Variants in PCDHGB3 observed in about 807,000 individuals in gnomAD.
PCDHGB3 encodes the protein protocadherin gamma-B3.
A neutral mutation model predicts 59.2 loss-of-function variants in PCDHGB3; 40 were observed. That is an observed-to-expected ratio of 0.68 (90% CI 0.52 to 0.88). The LOEUF is 0.88. Among genes scored for constraint, PCDHGB3 ranks in the 40% least tolerant of loss-of-function variants. PCDHGB3 has a pLI of 0.00. For synonymous variants in PCDHGB3, 581 were observed against 503.6 expected (o/e 1.15, Z -2.06); for missense variants, 1,309 against 1,187.9 (o/e 1.10, Z -1.50).
intron 1 of PCDHGB3, chr5:141,418,485 A>G (rs1216502936): frequency 6.2e-7 from 1 of 1,614,028 alleles, no homozygotes; most frequent in South Asian, 1.1e-5. Context: ...AGCGCTCACC[A>G]CTTGGTACTG....
chr5:141,395,515 C>A, intron 1 of PCDHGB3: 1 of 407,332 alleles, frequency 2.5e-6, no homozygotes, highest in Non-Finnish European at 4.4e-6. Flanking sequence ...AGTAGCTACC[C>A]GTCCATACTG....
chr5:141,487,530 T>C lies in PCDHGB3; in HGVS notation c.2416-7277T>C. The stretch of plus-strand genomic sequence containing the variant: ...GCACCCACTCGGAGTGATAGCTTCA[T>C]GATGGTGAAGTCACCCAGTGCACCT... On this transcript the variant is annotated intron_variant, in intron 1 of 3. Coordinates refer to ENST00000576222, the MANE Select transcript of PCDHGB3 (RefSeq NM_018924.5). This position sits in a 1 kb window ranked among gnomAD's most constrained non-coding sequence, Gnocchi z 5.0. The C allele has an allele frequency of 6.2e-7, 1 of 1,614,218 alleles. No individual in the cohort carries two copies. The highest frequency in any genetic ancestry group is 8.5e-7 in the Non-Finnish European group (1 of 1,180,040).
chr5:141,416,224 T>G (rs2096006627), intron 1 of PCDHGB3: 1 of 152,382 alleles, frequency 6.6e-6, no homozygotes, highest in Admixed American at 6.5e-5. Context: ...TATGCTTAGA[T>G]TTTTCCAGCC....
chr5:141,450,251 C>T (rs2154563018), intron 1 of PCDHGB3, among the ~76,000 whole-genome samples: 1 of 152,200 alleles, frequency 6.6e-6, no homozygotes. Context: ...CTCCTGACCT[C>T]AAGTGATCTG....
Position 141,421,488 on chromosome 5 carries a change from G to A in PCDHGB3, c.2415+48679G>A. On this transcript the variant is annotated intron_variant, in intron 1 of 3. Transcript: ENST00000576222. ...ATCCGCGAAGCGGCAGCTTGATCAC[G>A]GCAGGCAGGATAGACCGGGAGGAGC... The A allele has an allele frequency of 1.9e-6, 3 of 1,614,100 alleles. No homozygotes were observed. In the South Asian group the frequency reaches 3.3e-5, roughly 18 times the overall value.
intron 1 of PCDHGB3, among the ~76,000 whole-genome samples, chr5:141,445,945 C>G (rs1433543714): frequency 1.3e-5 from 2 of 152,254 alleles, no homozygotes; most frequent in Non-Finnish European, 2.9e-5. Flanking sequence ...TAAGCTTACT[C>G]TGGCTGCTAT....
At chr5:141,501,330 CACA>C (rs1301023208) in intron 2 of PCDHGB3, among the ~76,000 whole-genome samples, 82 of 151,502 alleles carry the variant, frequency 5.4e-4, no homozygotes, top group Admixed American at 2.2e-3. Flanking sequence ...CACACACACA[CACA>C]CCCCAAACTC....
At chr5:141,385,413 G>T in intron 1 of PCDHGB3, 1 of 1,472,024 alleles carries the variant, frequency 6.8e-7, no homozygotes, top group South Asian at 1.5e-5. Context: ...TGAAAATAGG[G>T]ATTTAAAAAA....
At chr5:141,399,402 G>T (rs2093800599) in intron 1 of PCDHGB3, 2 of 1,613,898 alleles carry the variant, frequency 1.2e-6, no homozygotes, top group Non-Finnish European at 1.7e-6. Context: ...ACAGGGGCAA[G>T]CCGCCCCTCT....
intron 2 of PCDHGB3, among the ~76,000 whole-genome samples, chr5:141,498,848 G>T (rs930895553): frequency 6.6e-6 from 1 of 151,908 alleles, no homozygotes; most frequent in African/African-American, 2.4e-5. Context: ...CAGGGGAATC[G>T]CTTGAACCCA....
At chr5:141,435,665 A>C (rs1029846055) in intron 1 of PCDHGB3, among the ~76,000 whole-genome samples, 2 of 152,206 alleles carry the variant, frequency 1.3e-5, no homozygotes, top group African/African-American at 4.8e-5. Flanking sequence ...CACAGATTCC[A>C]AGTGTTTTCT....
intron 1 of PCDHGB3, chr5:141,423,684 T>G (rs201506477): frequency 6.6e-7 from 1 of 1,524,756 alleles, no homozygotes; most frequent in Non-Finnish European, 8.8e-7. Context: ...CTCTGCCTCC[T>G]AATTGTTGGT....
At chr5:141,444,056 A>G (rs1055292734) in intron 1 of PCDHGB3, among the ~76,000 whole-genome samples, 7 of 151,740 alleles carry the variant, frequency 4.6e-5, no homozygotes, top group Non-Finnish European at 7.4e-5. Context: ...GGCATCTTCA[A>G]TCTAGATTCT....
At chr5:141,393,276 C>T (rs773579763) in intron 1 of PCDHGB3, 1 of 1,613,968 alleles carries the variant, frequency 6.2e-7, no homozygotes, top group African/African-American at 1.3e-5. Context: ...TTATCCACTC[C>T]CAGAAGCTGT....
intron 1 of PCDHGB3, among the ~76,000 whole-genome samples, chr5:141,461,001 A>G (rs1309762345): frequency 4.0e-5 from 6 of 150,320 alleles, no homozygotes; most frequent in South Asian, 4.2e-4. Context: ...ATATATGTGT[A>G]TATATATATA....
At position 141,423,043 on chromosome 5, in the gene PCDHGB3, T is replaced by C. The variant is rs940921497; in HGVS notation, c.2415+50234T>C. 10 of 1,614,058 alleles carry C rather than the reference T, an allele frequency of 6.2e-6. No homozygotes were observed. The Admixed American group carries it at 1.5e-4, about 24-fold the overall frequency. ...AGATTCAGGCCAGAACGCCTGGCTG[T>C]CCTATCGCCTGCTTAAGGCCAGCGA... is the stretch of plus-strand genomic sequence containing the variant. On this transcript the variant is annotated intron_variant, in intron 1 of 3. Transcript: ENST00000576222.
At chr5:141,399,230 A>G (rs764321114) in intron 1 of PCDHGB3, 2 of 1,614,002 alleles carry the variant, frequency 1.2e-6, no homozygotes, top group Non-Finnish European at 1.7e-6. Context: ...ATCAAAATAC[A>G]TGACCAAGAT....
In PCDHGB3 at chr5:141,487,562, G is replaced by A. The variant is rs140619162; in HGVS notation, c.2416-7245G>A. The A allele has an allele frequency of 7.7e-5, 125 of 1,614,060 alleles. 1 individual carries two copies. The highest frequency in any genetic ancestry group is 5.7e-4 in the Admixed American group (34 of 60,006). On this transcript the variant is annotated intron_variant, in intron 1 of 3. Transcript: ENST00000576222. The surrounding 1 kb of genome is among the most constrained non-coding windows in gnomAD (Gnocchi z 5.0). ...GAAGTCACCCAGTGCACCTATGGCA[G>A]GGGAGCCTGTTCGCCCAAGCTGCCC...
rs1561685937 is a variant in PCDHGB3 at position 141,403,112 on chromosome 5, C to T, written c.2415+30303C>T. On this transcript the variant is annotated intron_variant, in intron 1 of 3. Coordinates refer to ENST00000576222, the MANE Select transcript of PCDHGB3 (RefSeq NM_018924.5). ...GGGCAACATCTCCAAGGACCTGGCT[C>T]TGGAGCCCCGGGAGCTGGCGGAGCG... 5.6e-6 allele frequency: 9 copies of T among 1,614,074 alleles called. No individual in the cohort carries two copies. In the East Asian group the frequency reaches 2.0e-4, roughly 36 times the overall value.
Sources: gnomAD v4.1 joint callset for allele counts (sites outside exome capture counted in the v4.1 genomes callset) on GRCh38, gnomAD v4.1.1 for gene constraint, Gnocchi (gnomAD v3.1) non-coding constraint, MANE v1.5 for transcripts, NCBI Gene and HGNC (gene_info 2026-07-23, HGNC 2026-07-21) for gene names.